Variants in RASA1 observed in about 807,000 individuals in gnomAD.
RASA1 encodes the protein RAS p21 protein activator 1, also known as ras GTPase-activating protein 1.
In RASA1, 25 loss-of-function variants were observed where a neutral mutation model predicts 132.2. That is an observed-to-expected ratio of 0.19 (90% confidence interval 0.14 to 0.26). RASA1 has a LOEUF of 0.26. RASA1 is among the 10% of genes least tolerant of loss of function. RASA1 has a pLI of 1.00. For missense variants in RASA1, 964 were observed against 1,299.2 expected (o/e 0.74, Z 3.97); for synonymous variants, 477 against 449.9 (o/e 1.06, Z -0.76).
At chr5:87,337,867 C>G (rs950834147) in intron 4 of RASA1, 107 bp from the exon 5 acceptor site, 9 of 1,211,800 alleles carry the variant, frequency 7.4e-6, no homozygotes, top group African/African-American at 1.5e-5. Context: ...TAATTCCTTA[C>G]ATTTTTCAAT....
At chr5:87,374,696 A>G in intron 14 of RASA1, 144 bp from the exon 15 acceptor site, 3 of 1,177,720 alleles carry the variant, frequency 2.5e-6, no homozygotes, top group Non-Finnish European at 2.4e-6. Context: ...ATAATAAAAT[A>G]TGTTGTGAAT....
At chr5:87,278,171 C>G (rs2898550) in intron 1 of RASA1, among the ~76,000 whole-genome samples, 4,845 of 152,216 alleles carry the variant, frequency 0.032, 163 homozygotes, top group African/African-American at 0.074. Context: ...ATATTCTTTT[C>G]TATCTAAATG....
intron 1 of RASA1, among the ~76,000 whole-genome samples, chr5:87,327,968 C>CAA (rs777320325): frequency 3.3e-4 from 37 of 112,046 alleles, no homozygotes; most frequent in African/African-American, 8.5e-4. Context: ...CTCCGTTTCC[C>CAA]AAAAAAAAAA....
At chr5:87,282,057 G>C (rs906581954) in intron 1 of RASA1, among the ~76,000 whole-genome samples, 6 of 151,952 alleles carry the variant, frequency 3.9e-5, no homozygotes, top group African/African-American at 1.5e-4. Context: ...ATGAATTCCA[G>C]CTTACTTGTT....
intron 5 of RASA1, 75 bp from the exon 6 acceptor site, chr5:87,341,215 C>A: frequency 1.1e-6 from 1 of 884,644 alleles, no homozygotes; most frequent in Non-Finnish European, 1.5e-6. Context: ...TTTGCAGATA[C>A]GATTTTCATG....
At chr5:87,277,298 T>C (rs903029402) in intron 1 of RASA1, among the ~76,000 whole-genome samples, 2 of 152,192 alleles carry the variant, frequency 1.3e-5, no homozygotes, top group Admixed American at 6.5e-5. Flanking sequence ...CATTTTGGAC[T>C]TAATAGTTCC....
At chr5:87,298,753 T>A (rs1036986239) in intron 1 of RASA1, among the ~76,000 whole-genome samples, 1 of 152,236 alleles carries the variant, frequency 6.6e-6, no homozygotes, top group African/African-American at 2.4e-5. Context: ...TATTTGCTGA[T>A]GTATTTAATC....
intron 1 of RASA1, among the ~76,000 whole-genome samples, chr5:87,315,651 C>A (rs1028025387): frequency 2.0e-5 from 3 of 152,162 alleles, no homozygotes; most frequent in Non-Finnish European, 4.4e-5. Context: ...ATTTAATAAT[C>A]TCATATTAGA....
At chr5:87,383,441 G>A (rs1761863603) in intron 20 of RASA1, among the ~76,000 whole-genome samples, 1 of 152,090 alleles carries the variant, frequency 6.6e-6, no homozygotes, top group Non-Finnish European at 1.5e-5. Flanking sequence ...AAATACTACA[G>A]ATAAACAACA....
In RASA1 at chr5:87,376,917, T is replaced by G. The variant is rs200416306; in HGVS notation, c.2221T>G (p.Leu741Val). ...LQKELHVVYA[L>V]SHVCGQDRTL... The stretch of plus-strand genomic sequence containing the variant: ...AAAGGAACTTCATGTAGTCTATGCT[T>G]TATCACATGTATGTGGACAAGACCG... Residue 741 changes from leucine (L) to valine (V), a missense_variant, in exon 17 of 25, where the codon TTA becomes GTA. Around this residue, in one of 6 missense-constraint regions of RASA1, gnomAD observed 346 missense variants for 520.1 expected, o/e 0.67. Transcript: ENST00000274376. 7 of 1,610,312 alleles carry G rather than the reference T, an allele frequency of 4.3e-6. No homozygotes were observed. The highest frequency in any genetic ancestry group is 3.3e-5 in the Admixed American group (2 of 59,992).
intron 1 of RASA1, among the ~76,000 whole-genome samples, chr5:87,299,474 C>A (rs1302927261): frequency 6.6e-6 from 1 of 152,036 alleles, no homozygotes; most frequent in Admixed American, 6.5e-5. Context: ...TTTATAGTTA[C>A]CAAAAAGGCT....
At chr5:87,340,814 T>C (rs375050026) in intron 5 of RASA1, among the ~76,000 whole-genome samples, 4 of 152,100 alleles carry the variant, frequency 2.6e-5, no homozygotes, top group South Asian at 2.1e-4. Context: ...GCTACAGTGG[T>C]GGGAGATTGG....
intron 1 of RASA1, among the ~76,000 whole-genome samples, chr5:87,316,554 A>T (rs891623887): frequency 6.6e-6 from 1 of 152,076 alleles, no homozygotes; most frequent in Non-Finnish European, 1.5e-5. Context: ...CCACTATCTA[A>T]ATATCTTTCT....
intron 1 of RASA1, among the ~76,000 whole-genome samples, chr5:87,287,118 A>G (rs899252780): frequency 2.0e-5 from 3 of 147,598 alleles, no homozygotes. Flanking sequence ...TACACACCAT[A>G]TATATACACA....
At position 87,271,947 on chromosome 5, in the gene RASA1, G is replaced by A. The variant is rs754282907; in HGVS notation, c.539+2957G>A. On this transcript the variant is annotated intron_variant, in intron 1 of 24. Transcript: ENST00000274376. The stretch of plus-strand genomic sequence containing the variant: ...GGCGAGTGGATCACTTGAGGTCAGA[G>A]TTCGAGACTAGCTTGGCCAACACGG... Among the ~76,000 whole-genome samples the A allele has an allele frequency of 4.5e-4, 68 of 151,486 alleles. 1 individual carries two copies. The highest frequency in any genetic ancestry group is 9.3e-4 in the Non-Finnish European group (63 of 67,898).
In RASA1 at chr5:87,268,569, G is replaced by T. The variant is rs776808593; in HGVS notation, c.118G>T (p.Ala40Ser). 3.1e-6 allele frequency: 5 copies of T among 1,607,576 alleles called. No individual in the cohort carries two copies. The highest frequency in any genetic ancestry group is 4.2e-6 in the Non-Finnish European group (5 of 1,178,032). Residue 40 changes from alanine to serine, a missense_variant, in exon 1 of 25, where the codon GCG becomes TCG. Ala to Ser is a moderately conservative substitution (Grantham distance 99). This residue lies in a region of RASA1 where 326 missense variants were observed against 275.8 expected (regional missense o/e 1.18). Coordinates refer to ENST00000274376, the MANE Select transcript of RASA1 (RefSeq NM_002890.3). ...YPAVCRVKIP[A>S]ALPVAAAPYP... ...CGCAGTGTGTCGGGTGAAGATACCC[G>T]CGGCCCTGCCTGTGGCAGCCGCCCC...
Position 87,378,378 on chromosome 5 carries a change from A to C in RASA1, c.2345-18A>C. 1 of 1,611,514 alleles carries C rather than the reference A, an allele frequency of 6.2e-7. No homozygotes were observed. The highest frequency in any genetic ancestry group is 8.5e-7 in the Non-Finnish European group (1 of 1,177,820). On this transcript the variant is annotated intron_variant, in intron 17 of 24. Coordinates refer to ENST00000274376, the MANE Select transcript of RASA1 (RefSeq NM_002890.3). ...TCAGTCCTTTACAAATAATCTTCTA[A>C]TGTAAATATTTGTGTAGATGAAGCC... is the stretch of plus-strand genomic sequence containing the variant.
At position 87,302,493 on chromosome 5, in the gene RASA1, G is replaced by T. The variant is rs554311891; in HGVS notation, c.540-28855G>T. Among the ~76,000 whole-genome samples the T allele has an allele frequency of 2.7e-5, 4 of 149,068 alleles. No homozygotes were observed. The South Asian group carries it at 6.5e-4, about 24-fold the overall frequency. On this transcript the variant is annotated intron_variant, in intron 1 of 24. Coordinates refer to ENST00000274376, the MANE Select transcript of RASA1 (RefSeq NM_002890.3). ...ATATCTTATAGAAATCTTCAATTTC[G>T]CACTGTTGTTTTTTTAACAGAAGTT...
chr5:87,310,622 A>G (rs779121230), intron 1 of RASA1, among the ~76,000 whole-genome samples: 2 of 152,148 alleles, frequency 1.3e-5, no homozygotes, highest in Non-Finnish European at 2.9e-5. Flanking sequence ...ATTGTTCAAG[A>G]AAGTGGTTGG....
Sources: gnomAD v4.1 joint callset for allele counts (sites outside exome capture counted in the v4.1 genomes callset) on GRCh38, gnomAD v4.1.1 for gene constraint, gnomAD v4.1.1 regional missense constraint, MANE v1.5 for transcripts, NCBI Gene and HGNC (gene_info 2026-07-23, HGNC 2026-07-21) for gene names.